Variants in SSBP3 observed in about 807,000 individuals in gnomAD.
SSBP3 encodes the protein single stranded DNA binding protein 3, also known as single-stranded DNA-binding protein 3.
SSBP3 carries 5 observed loss-of-function variants against 69.6 expected under a neutral mutation model. That is an observed-to-expected ratio of 0.07 (90% CI 0.04 to 0.15). The LOEUF is 0.15. Among genes scored for constraint, SSBP3 ranks in the 10% least tolerant of loss-of-function variants. The pLI, the probability that SSBP3 is intolerant of heterozygous loss-of-function variation, is 1.00. For missense variants in SSBP3, 312 were observed against 534.0 expected (o/e 0.58, Z 4.10); for synonymous variants, 196 against 193.4 (o/e 1.01, Z -0.11).
intron 4 of SSBP3, among the ~76,000 whole-genome samples, chr1:54,283,969 T>C (rs1331353493): frequency 6.6e-6 from 1 of 152,210 alleles, no homozygotes; most frequent in Non-Finnish European, 1.5e-5. Context: ...CAATTACTCC[T>C]CAGCAGCAAG....
upstream of SSBP3, among the ~76,000 whole-genome samples, chr1:54,409,671 T>G (rs936173398): frequency 6.6e-6 from 1 of 152,216 alleles, no homozygotes; most frequent in Admixed American, 6.5e-5. Context: ...GTTTCCAGAA[T>G]GGCTATGCCA....
At chr1:54,291,129 G>T (rs1645598609) in intron 4 of SSBP3, among the ~76,000 whole-genome samples, 1 of 151,526 alleles carries the variant, frequency 6.6e-6, no homozygotes, top group South Asian at 2.1e-4. Flanking sequence ...GGTGTGCAGA[G>T]AACAGAAAAC....
In SSBP3 at chr1:54,282,231, A is replaced by C. The variant is rs180873123; in HGVS notation, c.277-704T>G. ...GGGCCGTGTCTGCCCAGCTACTCTG[A>C]GAAGCTCTTGGCAGGCCAGTGATTT... On this transcript the variant is annotated intron_variant, in intron 4 of 17. Transcript: ENST00000610401. Among the ~76,000 whole-genome samples the C allele has an allele frequency of 3.1e-3, 469 of 152,348 alleles. 1 individual carries two copies. Among genetic ancestry groups the C allele is most frequent in the Admixed American group, 5.8e-3 (89 of 15,310 alleles).
At chr1:54,314,244 G>T (rs1470274216) in intron 4 of SSBP3, among the ~76,000 whole-genome samples, 1 of 152,200 alleles carries the variant, frequency 6.6e-6, no homozygotes, top group Non-Finnish European at 1.5e-5. Flanking sequence ...CAGGGGTAGG[G>T]GAGGAAGACC....
rs570394992 is a variant in SSBP3 at position 54,299,578 on chromosome 1, G to C, written c.277-18051C>G. On this transcript the variant is annotated intron_variant, in intron 4 of 17. Coordinates refer to ENST00000610401, the Ensembl canonical transcript of SSBP3. ...CCAAGCCCACCCTTGTGGGCACAGGGAAACAAATTATTAGGAAAATGAGAG... is the reference window on the plus strand; with the variant it reads ...CCAAGCCCACCCTTGTGGGCACAGGCAAACAAATTATTAGGAAAATGAGAG... Among the ~76,000 whole-genome samples, 12 of 152,058 alleles carry C rather than the reference G, an allele frequency of 7.9e-5. No individual in the cohort carries two copies. In the East Asian group the frequency reaches 2.3e-3, roughly 29 times the overall value.
At chr1:54,254,468 C>A (rs1644885031) in intron 7 of SSBP3, among the ~76,000 whole-genome samples, 1 of 152,244 alleles carries the variant, frequency 6.6e-6, no homozygotes, top group Non-Finnish European at 1.5e-5. Context: ...ACTCTCTATG[C>A]ACAGCCTCTA....
At chr1:54,237,086 T>C (rs1315785482) in intron 14 of SSBP3, 1 of 152,152 alleles carries the variant, frequency 6.6e-6, no homozygotes, top group Non-Finnish European at 1.5e-5. Flanking sequence ...TTCACAGAAA[T>C]CGAGAAGACG....
At chr1:54,387,410 C>T (rs952329088) in intron 4 of SSBP3, among the ~76,000 whole-genome samples, 4 of 152,206 alleles carry the variant, frequency 2.6e-5, no homozygotes, top group Admixed American at 6.5e-5. Context: ...CTAAATCCAA[C>T]GTGGGCTCTT....
rs530017981 is a variant in SSBP3 at position 54,399,320 on chromosome 1, A to T, written c.276+2541T>A. Among the ~76,000 whole-genome samples, 10 of 152,384 alleles carry T rather than the reference A, an allele frequency of 6.6e-5. No individual in the cohort carries two copies. In the South Asian group the frequency reaches 2.1e-3, roughly 32 times the overall value. ...GTGGTGTTAGAAACACCCATTCCAG[A>T]GTCAGTCATGACTCCATGTGTGTGC... On this transcript the variant is annotated intron_variant, in intron 4 of 17. Transcript: ENST00000610401.
intron 4 of SSBP3, among the ~76,000 whole-genome samples, chr1:54,387,852 C>T (rs1489572972): frequency 6.6e-6 from 1 of 152,144 alleles, no homozygotes; most frequent in Non-Finnish European, 1.5e-5. Context: ...GGTACCCTTG[C>T]TGCACTCGAG....
At chr1:54,311,281 C>A (rs79682041) in intron 4 of SSBP3, among the ~76,000 whole-genome samples, 1,878 of 152,222 alleles carry the variant, frequency 0.012, 16 homozygotes, top group Non-Finnish European at 0.021. Flanking sequence ...GCTGAGAACA[C>A]CATAGGAAGG....
chr1:54,340,610 A>C (rs1343342645), intron 4 of SSBP3, among the ~76,000 whole-genome samples: 15 of 152,372 alleles, frequency 9.8e-5, no homozygotes, highest in Admixed American at 9.1e-4. Context: ...GGAATGGTGC[A>C]AATTTTGCTT....
intron 4 of SSBP3, among the ~76,000 whole-genome samples, chr1:54,290,867 G>A (rs191284079): frequency 1.1e-4 from 17 of 152,278 alleles, no homozygotes; most frequent in Non-Finnish European, 2.1e-4. Flanking sequence ...TTTGTACAAC[G>A]TTGATTTTCT....
intron 14 of SSBP3, among the ~76,000 whole-genome samples, chr1:54,233,624 C>T (rs542158220): frequency 0.013 from 1,686 of 128,900 alleles, 29 homozygotes; most frequent in African/African-American, 0.047. Context: ...CCGCCCCGTC[C>T]GGGAGGTGAG....
At chr1:54,297,850 G>C (rs909176552) in intron 4 of SSBP3, among the ~76,000 whole-genome samples, 7 of 152,194 alleles carry the variant, frequency 4.6e-5, no homozygotes, top group African/African-American at 1.7e-4. Flanking sequence ...TCAAAATCAT[G>C]TAGTGAGCTT....
At chr1:54,368,701 C>T (rs967432803) in intron 4 of SSBP3, among the ~76,000 whole-genome samples, 2 of 152,290 alleles carry the variant, frequency 1.3e-5, no homozygotes, top group East Asian at 3.9e-4. Flanking sequence ...TCACTCTTTC[C>T]ACTCCCCACA....
intron 5 of SSBP3, among the ~76,000 whole-genome samples, chr1:54,261,495 G>A (rs575986656): frequency 6.6e-6 from 1 of 152,188 alleles, no homozygotes; most frequent in Non-Finnish European, 1.5e-5. Context: ...TCTCTTCCCC[G>A]AACTCTGAAC....
intron 4 of SSBP3, among the ~76,000 whole-genome samples, chr1:54,299,049 G>A (rs1645753381): frequency 6.6e-6 from 1 of 151,864 alleles, no homozygotes; most frequent in Admixed American, 6.6e-5. Context: ...TGTGCTGGGG[G>A]TTCAGTCCCA....
chr1:54,237,932 G>A (rs938310863), intron 14 of SSBP3: 1 of 360,248 alleles, frequency 2.8e-6, no homozygotes, highest in African/African-American at 2.1e-5. Context: ...ACCACTCGAG[G>A]CAGATCATCC....
Sources: allele counts gnomAD v4.1 joint callset (sites outside exome capture counted in the v4.1 genomes callset), GRCh38; gene constraint gnomAD v4.1.1; transcripts MANE v1.5; gene names NCBI Gene and HGNC (gene_info 2026-07-23, HGNC 2026-07-21).